The following TRAPPC3L variants were observed in gnomAD, a reference collection of about 807,000 sequenced individuals.
TRAPPC3L encodes the protein trafficking protein particle complex subunit 3-like protein.
A neutral mutation model predicts 23.7 loss-of-function variants in TRAPPC3L; 23 were observed. That is an observed-to-expected ratio of 0.97 (90% CI 0.70 to 1.37). The LOEUF is 1.37. Among genes scored for constraint, TRAPPC3L ranks in the 40% most tolerant of loss-of-function variants. The pLI is 0.00. For synonymous variants in TRAPPC3L, 81 were observed against 77.9 expected, an observed-to-expected ratio of 1.04 and a Z score of -0.21; for missense variants, 212 against 216.8, an observed-to-expected ratio of 0.98 and a Z score of 0.14.
intron 3 of TRAPPC3L, among the ~76,000 whole-genome samples, chr6:116,508,021 A>G (rs1772036242): frequency 6.6e-6 from 1 of 152,254 alleles, no homozygotes; most frequent in Admixed American, 6.5e-5. Flanking sequence ...TTTGAAGTTT[A>G]TTAATGAAAT....
chr6:116,541,509 G>C (rs1773457360), intron 2 of TRAPPC3L, among the ~76,000 whole-genome samples: 1 of 152,142 alleles, frequency 6.6e-6, no homozygotes, highest in Non-Finnish European at 1.5e-5. Flanking sequence ...GTGACTAGGT[G>C]GTTGGAGGGA....
chr6:116,528,739 G>C (rs1371394007), intron 3 of TRAPPC3L, among the ~76,000 whole-genome samples: 1 of 152,160 alleles, frequency 6.6e-6, no homozygotes, highest in Non-Finnish European at 1.5e-5. Context: ...ATGTTGTGTT[G>C]TGTTGGGCTG....
rs144608684 is a variant in TRAPPC3L at position 116,527,333 on chromosome 6, C to T, written c.240+13030G>A. On this transcript the variant is annotated intron_variant, in intron 3 of 4. Transcript: ENST00000368602. The stretch of plus-strand genomic sequence containing the variant: ...GAGATCGAGACCATCCTGGCTAACA[C>T]GCTGAAACCCCGTCTCTACTAAAAA... Among the ~76,000 whole-genome samples the T allele has an allele frequency of 8.4e-3, 1,279 of 151,964 alleles. 7 individuals are homozygous for T. The highest frequency in any genetic ancestry group is 0.027 in the African/African-American group (1,122 of 41,440).
At chr6:116,525,145 C>T (rs1254067346) in intron 3 of TRAPPC3L, among the ~76,000 whole-genome samples, 2 of 152,078 alleles carry the variant, frequency 1.3e-5, no homozygotes, top group Admixed American at 1.3e-4. Flanking sequence ...AAGTATGTTC[C>T]CTCATTTGTA....
intron 3 of TRAPPC3L, among the ~76,000 whole-genome samples, chr6:116,537,377 T>C (rs1033212125): frequency 6.6e-6 from 1 of 152,204 alleles, no homozygotes; most frequent in African/African-American, 2.4e-5. Flanking sequence ...TGGTGAAAAT[T>C]GTGTACCATT....
At chr6:116,534,996 TA>T (rs1772987169) in intron 3 of TRAPPC3L, among the ~76,000 whole-genome samples, 1 of 152,196 alleles carries the variant, frequency 6.6e-6, no homozygotes, top group Non-Finnish European at 1.5e-5. Flanking sequence ...GTAATCATCA[TA>T]TTGACATGGA....
chr6:116,498,352 A>T (rs1468431878), intron 4 of TRAPPC3L, among the ~76,000 whole-genome samples: 1 of 152,206 alleles, frequency 6.6e-6, no homozygotes, highest in East Asian at 1.9e-4. Flanking sequence ...AAGTCTAAAA[A>T]GATGCTAGGG....
chr6:116,510,042 A>C (rs1264177138), intron 3 of TRAPPC3L, among the ~76,000 whole-genome samples: 1 of 152,228 alleles, frequency 6.6e-6, no homozygotes, highest in Non-Finnish European at 1.5e-5. Context: ...TTCTCAAAAG[A>C]AGATATACAA....
At chr6:116,532,553 T>C (rs1390867763) in intron 3 of TRAPPC3L, among the ~76,000 whole-genome samples, 1 of 152,212 alleles carries the variant, frequency 6.6e-6, no homozygotes, top group Non-Finnish European at 1.5e-5. Flanking sequence ...AAATTGTAAA[T>C]GAAAGGCAAC....
chr6:116,506,908 T>C (rs978944647), intron 3 of TRAPPC3L, among the ~76,000 whole-genome samples: 1 of 152,088 alleles, frequency 6.6e-6, no homozygotes, highest in Non-Finnish European at 1.5e-5. Flanking sequence ...AAATACCTAA[T>C]GTAAATGTCG....
chr6:116,510,416 G>C (rs1047034798), intron 3 of TRAPPC3L, among the ~76,000 whole-genome samples: 5 of 151,560 alleles, frequency 3.3e-5, no homozygotes, highest in Non-Finnish European at 7.4e-5. Context: ...TGAGTAGCTG[G>C]GACTACAGGT....
intron 2 of TRAPPC3L, among the ~76,000 whole-genome samples, chr6:116,541,826 A>T (rs1311697414): frequency 6.6e-6 from 1 of 152,174 alleles, no homozygotes; most frequent in Admixed American, 6.6e-5. Flanking sequence ...CTATATCTAC[A>T]CATATTGCTT....
At chr6:116,510,801 G>GTT (rs1429665201) in intron 3 of TRAPPC3L, among the ~76,000 whole-genome samples, 6 of 151,824 alleles carry the variant, frequency 4.0e-5, no homozygotes, top group Admixed American at 3.9e-4. Context: ...AAGAAACTGT[G>GTT]GTGTATATAT....
chr6:116,527,809 C>T (rs1015164034), intron 3 of TRAPPC3L, among the ~76,000 whole-genome samples: 2 of 152,148 alleles, frequency 1.3e-5, no homozygotes, highest in African/African-American at 2.4e-5. Flanking sequence ...AACTTCTCCC[C>T]TAGGAGGGAG....
intron 3 of TRAPPC3L, chr6:116,519,261 A>T (rs1165111755): frequency 6.6e-6 from 1 of 152,234 alleles, no homozygotes; most frequent in East Asian, 1.9e-4. Context: ...AAACACAAGA[A>T]AGAATGCAGT....
At chr6:116,523,294 T>C in intron 3 of TRAPPC3L, 1 of 152,214 alleles carries the variant, frequency 6.6e-6, no homozygotes, top group Admixed American at 6.5e-5. Context: ...CCTTTAGGAA[T>C]ATTTTAAAGT....
rs750569216 is a variant in TRAPPC3L at position 116,543,296 on chromosome 6, C to CACTTTT, written c.140+6_140+7insAAAAGT. 21 of 1,541,690 alleles carry CACTTTT rather than the reference C, an allele frequency of 1.4e-5. No individual in the cohort carries two copies. In the South Asian group the frequency reaches 2.0e-4, roughly 15 times the overall value. On this transcript the variant is annotated splice_region_variant and intron_variant, in intron 2 of 4. Transcript: ENST00000368602. ...CCATTCAATAAGAATGAAGGACTTC[C>CACTTTT]ACTTACATTTTATCTAAATATTGGT...
intron 3 of TRAPPC3L, among the ~76,000 whole-genome samples, chr6:116,533,563 C>T (rs1229354028): frequency 3.3e-5 from 5 of 152,318 alleles, no homozygotes; most frequent in South Asian, 2.1e-4. Flanking sequence ...AAATTTAAAA[C>T]GGCAATAGAA....
intron 3 of TRAPPC3L, among the ~76,000 whole-genome samples, chr6:116,504,960 G>A (rs1771978311): frequency 6.6e-6 from 1 of 152,152 alleles, no homozygotes; most frequent in South Asian, 2.1e-4. Flanking sequence ...ACCGGCACAA[G>A]ACAAGGATGC....
Sources: gnomAD v4.1 joint callset for allele counts (sites outside exome capture counted in the v4.1 genomes callset) on GRCh38, gnomAD v4.1.1 for gene constraint, MANE v1.5 for transcripts, NCBI Gene and HGNC (gene_info 2026-07-23, HGNC 2026-07-21) for gene names.